Variants in SSMEM1 observed in about 807,000 individuals in gnomAD.
The protein encoded by SSMEM1 is serine-rich single-pass membrane protein 1.
Under a neutral mutation model 9.9 loss-of-function variants are expected in SSMEM1, and 12 were observed. The ratio of observed to expected loss-of-function variants is 1.21; its 90% confidence interval spans 0.78 to 1.96. SSMEM1 has a LOEUF of 1.96. Ranked by LOEUF, SSMEM1 falls within the 30% of genes most tolerant of loss-of-function variation. The probability of loss-of-function intolerance (pLI) is 0.00; values close to 1 mark genes in which losing one functional copy is unlikely to be tolerated. For synonymous variants in SSMEM1, 96 were observed against 98.9 expected (o/e 0.97, Z 0.17); for missense variants, 259 against 292.2 (o/e 0.89, Z 0.83).
chr7:130,210,851 G>A (rs2117056943), intron 1 of SSMEM1, among the ~76,000 whole-genome samples: 1 of 152,312 alleles, frequency 6.6e-6, no homozygotes, highest in East Asian at 1.9e-4. Flanking sequence ...CATCAAATGT[G>A]AGAGCTTTCT....
intron 1 of SSMEM1, 86 bp from the exon 2 acceptor site, chr7:130,213,394 G>C: frequency 1.1e-6 from 1 of 941,034 alleles, no homozygotes; most frequent in Non-Finnish European, 1.6e-6. Flanking sequence ...CATTATAAAT[G>C]GGCCTCAGCA....
upstream of SSMEM1, among the ~76,000 whole-genome samples, chr7:130,206,329 C>T (rs1798468020): frequency 1.3e-5 from 2 of 152,208 alleles, no homozygotes; most frequent in Non-Finnish European, 2.9e-5. Flanking sequence ...TCCAGCCCAG[C>T]CCCAGCTCTC....
intron 1 of SSMEM1, among the ~76,000 whole-genome samples, chr7:130,212,679 C>T (rs1020405096): frequency 4.6e-5 from 7 of 151,410 alleles, no homozygotes; most frequent in African/African-American, 9.7e-5. Flanking sequence ...GAGCTGAGAT[C>T]GCACCATTGT....
upstream of SSMEM1, among the ~76,000 whole-genome samples, chr7:130,206,548 G>A (rs1798476252): frequency 6.6e-6 from 1 of 152,154 alleles, no homozygotes; most frequent in African/African-American, 2.4e-5. Context: ...ATGAAAATCG[G>A]CAGGTATGCT....
Position 130,216,844 on chromosome 7 carries a change from A to C in SSMEM1, c.*374A>C. ...AATGTATTATTTATGTTGAGAAACC[A>C]CTTAAATGTATTCAGATGTTTTGCT... On this transcript the variant is annotated 3_prime_UTR_variant, in exon 3 of 3. Transcript: ENST00000297819. The C allele has an allele frequency of 4.4e-6, 1 of 228,818 alleles. No homozygotes were observed. 14.2% of individuals were successfully genotyped at this position (228,818 alleles called of 1,614,324 possible). A position where few individuals can be genotyped will look rare whatever the true frequency, so the allele number is the denominator to read the frequency against.
upstream of SSMEM1, chr7:130,207,726 T>C (rs1290716262): frequency 4.2e-6 from 3 of 709,864 alleles, no homozygotes; most frequent in African/African-American, 1.8e-5. Flanking sequence ...TTCAGAGGAG[T>C]AATTTGAATA....
At chr7:130,214,709 C>A (rs981811687) in intron 2 of SSMEM1, among the ~76,000 whole-genome samples, 1 of 152,162 alleles carries the variant, frequency 6.6e-6, no homozygotes, top group African/African-American at 2.4e-5. Context: ...TGAGTGACTT[C>A]TTTGCTGGAA....
rs374890168 is a variant in SSMEM1, at chr7:130,216,368, G to A, written c.633G>A (p.Ala211=). 1.5e-5 allele frequency: 25 copies of A among 1,614,046 alleles called. No individual in the cohort carries two copies. The highest frequency in any genetic ancestry group is 1.6e-4 in the Middle Eastern group (1 of 6,084). ...CCTTGAGAACCAACGAATGGTTGGC[G>A]CACCATTCCCGACAGAAGCCTTCAG... ...CKALRTNEWL[A]HHSRQKPSVT... Residue 211 remains alanine (A), a synonymous_variant, in exon 3 of 3, where the codon GCG becomes GCA. Transcript: ENST00000297819.
chr7:130,215,992 G>A lies in SSMEM1; in HGVS notation c.257G>A (p.Cys86Tyr), dbSNP rs1409447955. Residue 86 changes from cysteine to tyrosine, a missense_variant, in exon 3 of 3, where the codon TGT (cysteine) becomes TAT (tyrosine). Transcript: ENST00000297819. ...TTGTTAGCAAGCAAAGAGACTTCCT[G>A]TAAGCGGCAAAGCAAAGACAGTGCC... is the stretch of plus-strand genomic sequence containing the variant. ...SVRKASKETS[C>Y]KRQSKDSAWD... The A allele has an allele frequency of 5.0e-6, 8 of 1,613,912 alleles. No individual in the cohort carries two copies. In the East Asian group the frequency reaches 8.9e-5, roughly 18 times the overall value.
chr7:130,210,392 A>C (rs1798569759), intron 1 of SSMEM1, among the ~76,000 whole-genome samples: 1 of 152,208 alleles, frequency 6.6e-6, no homozygotes, highest in Non-Finnish European at 1.5e-5. Flanking sequence ...AGTAATGGTA[A>C]AAGCACGATG....
rs985143813 is a variant in SSMEM1 at position 130,216,796 on chromosome 7, T to C, written c.*326T>C. 4 of 279,688 alleles carry C rather than the reference T, an allele frequency of 1.4e-5. No individual in the cohort carries two copies. The highest frequency in any genetic ancestry group is 6.6e-5 in the African/African-American group (3 of 45,326). The allele number at this position is 279,688 out of a possible 1,614,324, so 17.3% of individuals were successfully genotyped here. ...GTATGTATTTTGTTTATGTCTGTAA[T>C]ATGAATAAGAAAGCTCTTTGAAAAT... On this transcript the variant is annotated 3_prime_UTR_variant, in exon 3 of 3. Transcript: ENST00000297819.
intron 1 of SSMEM1, among the ~76,000 whole-genome samples, chr7:130,212,727 A>T (rs1798614865): frequency 6.6e-6 from 1 of 151,422 alleles, no homozygotes; most frequent in African/African-American, 2.4e-5. Flanking sequence ...CTCCGTCTCA[A>T]AAAAAAAACA....
At chr7:130,212,652 G>C (rs1429491038) in intron 1 of SSMEM1, among the ~76,000 whole-genome samples, 1 of 151,758 alleles carries the variant, frequency 6.6e-6, no homozygotes, top group Non-Finnish European at 1.5e-5. Context: ...TTGAACCTGG[G>C]AGGCGGAGAT....
At chr7:130,206,393 C>A (rs1798471419), upstream of SSMEM1, among the ~76,000 whole-genome samples, 1 of 152,150 alleles carries the variant, frequency 6.6e-6, no homozygotes, top group Non-Finnish European at 1.5e-5. Flanking sequence ...AAACCCAGGG[C>A]CTGGGGACTT....
chr7:130,206,181 G>A (rs994355035), upstream of SSMEM1, among the ~76,000 whole-genome samples: 2 of 152,320 alleles, frequency 1.3e-5, no homozygotes, highest in Admixed American at 6.5e-5. Context: ...ACCTACAAGT[G>A]TGCCGCTGAG....
upstream of SSMEM1, among the ~76,000 whole-genome samples, chr7:130,206,395 TG>T (rs990205944): frequency 2.4e-4 from 37 of 152,338 alleles, no homozygotes; most frequent in African/African-American, 8.7e-4. Flanking sequence ...ACCCAGGGCC[TG>T]GGGACTTGTT....
chr7:130,209,840 AGTG>A (rs1798560359), intron 1 of SSMEM1, among the ~76,000 whole-genome samples: 1 of 152,210 alleles, frequency 6.6e-6, no homozygotes, highest in Non-Finnish European at 1.5e-5. Context: ...GGCCTCCCAA[AGTG>A]CTGGCATTAC....
intron 1 of SSMEM1, among the ~76,000 whole-genome samples, chr7:130,212,754 A>C (rs569936064): frequency 6.6e-6 from 1 of 151,868 alleles, no homozygotes; most frequent in South Asian, 2.1e-4. Context: ...AAAACAAAAA[A>C]ACAAAACAAA....
rs937224268 is a variant in SSMEM1, at chr7:130,213,638, G to A, written c.238+104G>A. The A allele has an allele frequency of 6.6e-6, 5 of 757,716 alleles. No individual in the cohort carries two copies. In the African/African-American group the frequency reaches 8.1e-5, roughly 12 times the overall value. 46.9% of individuals were successfully genotyped at this position (757,716 alleles called of 1,614,324 possible). ...CTCAGAAGGCTGAGGCAGGAGGATT[G>A]CTTGAGCTAAGCAGTTCAAGACCAC... On this transcript the variant is annotated intron_variant, in intron 2 of 2. Coordinates refer to ENST00000297819, the MANE Select transcript of SSMEM1 (RefSeq NM_145268.4).
Sources: allele counts gnomAD v4.1 joint callset (sites outside exome capture counted in the v4.1 genomes callset), GRCh38; gene constraint gnomAD v4.1.1; transcripts MANE v1.5; gene names NCBI Gene and HGNC (gene_info 2026-07-23, HGNC 2026-07-21).